Variants in MICOS10 observed in about 807,000 individuals in gnomAD.
The protein encoded by MICOS10 is MICOS complex subunit MIC10.
Under a neutral mutation model 13.4 loss-of-function variants are expected in MICOS10, and 5 were observed. That is an observed-to-expected ratio of 0.37 (90% CI 0.20 to 0.78). The LOEUF is 0.78. Ranked by LOEUF, MICOS10 falls within the 30% of genes least tolerant of loss-of-function variation. The pLI, the probability that MICOS10 is intolerant of heterozygous loss-of-function variation, is 0.47. For missense variants in MICOS10, 101 were observed against 94.6 expected (o/e 1.07, Z -0.28); for synonymous variants, 35 against 33.6 (o/e 1.04, Z -0.15).
chr1:19,608,708 A>G (rs892744251), intron 1 of MICOS10: 10 of 572,070 alleles, frequency 1.7e-5, no homozygotes, highest in African/African-American at 1.7e-4. Context: ...GCAAGTTTCA[A>G]AGAAAACTGA....
intron 2 of MICOS10, among the ~76,000 whole-genome samples, 199 bp downstream of exon 2, chr1:19,622,346 A>C (rs2094906745): frequency 6.6e-6 from 1 of 152,238 alleles, no homozygotes; most frequent in Admixed American, 6.5e-5. Context: ...GGGCATCTCC[A>C]GCATTCCCCT....
At chr1:19,620,770 T>C (rs561275761) in intron 1 of MICOS10, among the ~76,000 whole-genome samples, 7 of 152,222 alleles carry the variant, frequency 4.6e-5, no homozygotes, top group Middle Eastern at 3.2e-3. Context: ...GATTGAGTGG[T>C]ACGGTTAGCA....
intron 1 of MICOS10, among the ~76,000 whole-genome samples, chr1:19,598,533 TTGGGAGG>T (rs1432546370): frequency 6.6e-6 from 1 of 151,926 alleles, no homozygotes; most frequent in Non-Finnish European, 1.5e-5. Flanking sequence ...TCCCAGCACT[TTGGGAGG>T]CCGAGGCGGG....
Position 19,627,129 on chromosome 1 carries a change from T to C in MICOS10, c.*728T>C, listed in dbSNP as rs1284548789. ...CCGGAGGAGCCCGATTGGGGTTAAT[T>C]TTATCTTCACGTAGCAGCTGAAGTT... On this transcript the variant is annotated 3_prime_UTR_variant, in exon 4 of 4. Coordinates refer to ENST00000322753, the MANE Select transcript of MICOS10 (RefSeq NM_001032363.4). 1 of 152,224 alleles carries C rather than the reference T, an allele frequency of 6.6e-6. No individual in the cohort carries two copies. The highest frequency in any genetic ancestry group is 1.5e-5 in the Non-Finnish European group (1 of 68,082). The allele number at this position is 152,224 out of a possible 1,614,324, so 9.4% of individuals were successfully genotyped here. A position where few individuals can be genotyped will look rare whatever the true frequency, so the allele number is the denominator to read the frequency against.
At chr1:19,614,758 C>T (rs2094877364) in intron 1 of MICOS10, among the ~76,000 whole-genome samples, 1 of 152,178 alleles carries the variant, frequency 6.6e-6, no homozygotes, top group Admixed American at 6.5e-5. Flanking sequence ...AAACATTCTT[C>T]AGGGAAGCCA....
rs1461485052 is a variant in MICOS10 at position 19,629,670 on chromosome 1, T to G, written c.*3269T>G. ...GGGAATGGAGGAGATGACGATGTAGTTTTGCTTTTAGTTTTCCCAAACCTG... is the reference window on the plus strand; with the variant it reads ...GGGAATGGAGGAGATGACGATGTAGGTTTGCTTTTAGTTTTCCCAAACCTG... On this transcript the variant is annotated 3_prime_UTR_variant, in exon 4 of 4. Coordinates refer to ENST00000322753, the MANE Select transcript of MICOS10 (RefSeq NM_001032363.4). The G allele has an allele frequency of 6.6e-6, 1 of 152,226 alleles. No individual in the cohort carries two copies. The highest frequency in any genetic ancestry group is 1.5e-5 in the Non-Finnish European group (1 of 68,046). The allele number at this position is 152,226 out of a possible 1,614,324, so 9.4% of individuals were successfully genotyped here.
At chr1:19,598,812 G>A (rs1035130282) in intron 1 of MICOS10, among the ~76,000 whole-genome samples, 2 of 152,080 alleles carry the variant, frequency 1.3e-5, no homozygotes. Flanking sequence ...AAATACATAA[G>A]CTACTTAGCA....
chr1:19,610,935 AT>A (rs1158536731), intron 1 of MICOS10, among the ~76,000 whole-genome samples: 2 of 150,818 alleles, frequency 1.3e-5, no homozygotes, highest in African/African-American at 5.0e-5. Context: ...TGCTGTAGGA[AT>A]TTTTTATTTA....
intron 3 of MICOS10, 89 bp from the exon 4 acceptor site, chr1:19,626,298 G>A (rs2094921839): frequency 2.0e-6 from 3 of 1,532,596 alleles, no homozygotes; most frequent in Non-Finnish European, 2.7e-6. Flanking sequence ...TTGGCTTCTG[G>A]CCCTTTGGGT....
chr1:19,610,066 C>T (rs566119147), intron 1 of MICOS10, among the ~76,000 whole-genome samples: 4 of 152,180 alleles, frequency 2.6e-5, no homozygotes, highest in South Asian at 2.1e-4. Flanking sequence ...CTCTTGAACT[C>T]GGGAGGCAGA....
chr1:19,608,389 C>T, intron 1 of MICOS10: 1 of 1,255,328 alleles, frequency 8.0e-7, no homozygotes, highest in Non-Finnish European at 1.2e-6. Flanking sequence ...GTATCATTGC[C>T]CTACACATCC....
intron 1 of MICOS10, chr1:19,608,606 C>T (rs1410872371): frequency 1.4e-6 from 1 of 740,120 alleles, no homozygotes; most frequent in Admixed American, 2.1e-5. Context: ...AATAAATTGC[C>T]TTCATGTAAA....
intron 3 of MICOS10, 62 bp from the exon 4 acceptor site, chr1:19,626,325 A>G (rs2094921931): frequency 1.9e-6 from 3 of 1,611,092 alleles, no homozygotes; most frequent in Middle Eastern, 1.7e-4. Flanking sequence ...TGATACAGCA[A>G]TTAGAGAGGG....
In MICOS10 at chr1:19,622,785, T is replaced by C. The variant is rs115536687; in HGVS notation, c.112+638T>C. 6.8e-3 allele frequency among the ~76,000 whole-genome samples: 1,034 copies of C among 152,306 alleles called. 9 individuals are homozygous for C. The highest frequency in any genetic ancestry group is 0.022 in the African/African-American group (930 of 41,550). On this transcript the variant is annotated intron_variant, in intron 2 of 3. Transcript: ENST00000322753. ...GACTTACTACTACAATCAAAGCATGTAAATATCGGTAAAATGCTTACATCT... is the reference window on the plus strand; with the variant it reads ...GACTTACTACTACAATCAAAGCATGCAAATATCGGTAAAATGCTTACATCT...
chr1:19,609,381 T>C (rs1303117064), intron 1 of MICOS10, among the ~76,000 whole-genome samples: 1 of 152,188 alleles, frequency 6.6e-6, no homozygotes, highest in Non-Finnish European at 1.5e-5. Context: ...CTGGGACTCT[T>C]ATACACCGTT....
At chr1:19,608,227 T>A in intron 1 of MICOS10, 4 of 1,428,790 alleles carry the variant, frequency 2.8e-6, no homozygotes, top group Middle Eastern at 1.7e-4. Context: ...CATCCTTCAA[T>A]GACACTTTTG....
At chr1:19,601,410 G>A (rs942119127) in intron 1 of MICOS10, 1 of 172,662 alleles carries the variant, frequency 5.8e-6, no homozygotes, top group African/African-American at 2.4e-5. Context: ...TAGACCCATT[G>A]CAGCAAAAAA....
intron 3 of MICOS10, chr1:19,625,678 G>A (rs953559285): frequency 1.6e-6 from 2 of 1,262,768 alleles, no homozygotes; most frequent in Admixed American, 4.9e-5. Flanking sequence ...GAGTTGTCAG[G>A]GATAATGGCT....
chr1:19,626,269 T>G, intron 3 of MICOS10, 118 bp from the exon 4 acceptor site: 1 of 1,204,904 alleles, frequency 8.3e-7, no homozygotes, highest in South Asian at 1.3e-5. Context: ...AGTTTTAACG[T>G]AAACAGTGTG....
Sources: gnomAD v4.1 joint callset for allele counts (sites outside exome capture counted in the v4.1 genomes callset) on GRCh38, gnomAD v4.1.1 for gene constraint, MANE v1.5 for transcripts, NCBI Gene and HGNC (gene_info 2026-07-23, HGNC 2026-07-21) for gene names.